Variants in TADA3 observed in about 807,000 individuals in gnomAD.
TADA3 encodes transcriptional adaptor 3.
In TADA3, 25 loss-of-function variants were observed where a neutral mutation model predicts 43.2. The ratio of observed to expected loss-of-function variants is 0.58; its 90% CI spans 0.42 to 0.81. The LOEUF (loss-of-function observed/expected upper bound fraction) is 0.81. Among genes scored for constraint, TADA3 ranks in the 30% least tolerant of loss-of-function variants. The pLI is 0.00. For missense variants in TADA3, 441 were observed against 567.8 expected (o/e 0.78, Z 2.27); for synonymous variants, 235 against 225.5 (o/e 1.04, Z -0.38).
At chr3:9,787,483 C>A (rs970826018) in intron 4 of TADA3, 143 bp from the exon 5 acceptor site, 2 of 1,257,976 alleles carry the variant, frequency 1.6e-6, no homozygotes, top group Non-Finnish European at 2.2e-6. Flanking sequence ...TAAGAAAGTA[C>A]AACGAAGATA....
chr3:9,780,079 G>A lies in TADA3; in HGVS notation c.*278C>T. The A allele has an allele frequency of 5.8e-6, 2 of 346,864 alleles. No homozygotes were observed. Among genetic ancestry groups the A allele is most frequent in the Non-Finnish European group, 1.0e-5 (2 of 191,214 alleles). 21.5% of individuals were successfully genotyped at this position (346,864 alleles called of 1,614,324 possible). ...GGTAGGGGATTAGGGAGTGGGGGATGGTAAAGAGGGGAAGAGGAAGACCCA... is the reference window on the plus strand; with the variant it reads ...GGTAGGGGATTAGGGAGTGGGGGATAGTAAAGAGGGGAAGAGGAAGACCCA... On this transcript the variant is annotated 3_prime_UTR_variant, in exon 9 of 9. Coordinates refer to ENST00000301964, the MANE Select transcript of TADA3 (RefSeq NM_006354.5).
Position 9,792,364 on chromosome 3 carries a change from C to G in TADA3, c.-176G>C, listed in dbSNP as rs1383516706. On this transcript the variant is annotated 5_prime_UTR_variant, in exon 1 of 9. Transcript: ENST00000301964. ...CAGAGTCCTCGTTCTCTAGGGACAC[C>G]CTAGTGCGACCCCCGCCCCCTCTAC... The G allele has an allele frequency of 8.8e-6, 4 of 456,006 alleles. No homozygotes were observed. The highest frequency in any genetic ancestry group is 4.2e-5 in the African/African-American group (2 of 47,796). The allele number at this position is 456,006 out of a possible 1,614,324, so 28.2% of individuals were successfully genotyped here.
chr3:9,780,882 C>T (rs185585197), intron 8 of TADA3, among the ~76,000 whole-genome samples: 1 of 152,292 alleles, frequency 6.6e-6, no homozygotes, highest in East Asian at 1.9e-4. Flanking sequence ...TTCACATCTG[C>T]AGTCCCAGCA....
intron 3 of TADA3, 21 bp downstream of exon 3, chr3:9,789,692 C>A (rs1369427216): frequency 6.2e-7 from 1 of 1,609,866 alleles, no homozygotes; most frequent in Non-Finnish European, 8.5e-7. Context: ...AGGCCCCCTT[C>A]TATGTTCTCT....
chr3:9,791,839 C>A (rs2078743483), intron 1 of TADA3, among the ~76,000 whole-genome samples: 2 of 152,172 alleles, frequency 1.3e-5, no homozygotes, highest in South Asian at 4.1e-4. Context: ...GATCACCATG[C>A]TATACTGCTA....
At chr3:9,792,682 C>A (rs559927705), upstream of TADA3, 1 of 1,233,138 alleles carries the variant, frequency 8.1e-7, no homozygotes, top group Non-Finnish European at 1.0e-6. Context: ...TGCAGTTAGC[C>A]CCGCCGAGCG....
intron 8 of TADA3, 161 bp downstream of exon 8, chr3:9,783,867 A>G (rs2078540002): frequency 1.6e-6 from 2 of 1,278,730 alleles, no homozygotes; most frequent in African/African-American, 1.5e-5. Context: ...TGTTTGGGAC[A>G]TACCCGGTGG....
At position 9,787,094 on chromosome 3, in the gene TADA3, A is replaced by G; in HGVS notation, c.722T>C (p.Leu241Pro). ...ELDTKDVDALLKKSEAQHEQP... is the reference protein window; with the variant it reads ...ELDTKDVDALPKKSEAQHEQP... The stretch of plus-strand genomic sequence containing the variant: ...TTCATGCTGGGCCTCAGACTTCTTC[A>G]GCAGGGCATCCACATCTAAGCGGGC... The change falls in exon 6 of 9, where the codon CTG becomes CCG. Residue 241 changes from leucine to proline, a missense_variant. Leu to Pro is a moderately conservative substitution (Grantham distance 98). Transcript: ENST00000301964. 1 of 1,614,192 alleles carries G rather than the reference A, an allele frequency of 6.2e-7. No homozygotes were observed. Among genetic ancestry groups the G allele is most frequent in the Non-Finnish European group, 8.5e-7 (1 of 1,180,046 alleles).
chr3:9,781,613 C>G, intron 8 of TADA3: 1 of 455,672 alleles, frequency 2.2e-6, no homozygotes, highest in Non-Finnish European at 4.4e-6. Context: ...GGGTGAGACA[C>G]CAGATCAATC....
chr3:9,783,917 T>C (rs2078541322), intron 8 of TADA3, 111 bp downstream of exon 8: 1 of 1,424,438 alleles, frequency 7.0e-7, no homozygotes, highest in Non-Finnish European at 9.2e-7. Context: ...TCCAGGTGAT[T>C]TAGAGGCCAG....
intron 4 of TADA3, chr3:9,787,773 A>G (rs547270858): frequency 4.2e-6 from 5 of 1,204,154 alleles, no homozygotes; most frequent in Non-Finnish European, 4.4e-6. Context: ...GAGAGAGATC[A>G]AAGTGTTGTG....
chr3:9,780,666 T>A, intron 8 of TADA3, 117 bp from the exon 9 acceptor site: 1 of 1,101,354 alleles, frequency 9.1e-7, no homozygotes, highest in Non-Finnish European at 1.3e-6. Context: ...GATTGTGTCA[T>A]ACAGTCGTGA....
upstream of TADA3, chr3:9,792,545 C>A (rs2078764656): frequency 1.6e-6 from 2 of 1,226,210 alleles, no homozygotes; most frequent in African/African-American, 1.6e-5. Context: ...TGGAGTTTGC[C>A]GGGGGTGGGA....
intron 5 of TADA3, 37 bp downstream of exon 5, chr3:9,787,162 T>G: frequency 1.2e-6 from 2 of 1,614,162 alleles, no homozygotes; most frequent in Non-Finnish European, 1.7e-6. Context: ...GGAATTCAAG[T>G]CCTGACCTGG....
chr3:9,784,041 G>A lies in TADA3; in HGVS notation c.1093C>T (p.His365Tyr). 1 of 1,613,934 alleles carries A rather than the reference G, an allele frequency of 6.2e-7. No individual in the cohort carries two copies. The highest frequency in any genetic ancestry group is 8.5e-7 in the Non-Finnish European group (1 of 1,179,862). The change falls in exon 8 of 9, where the codon CAC becomes TAC. Residue 365 changes from histidine (H) to tyrosine (Y), a missense_variant. Transcript: ENST00000301964. ...GCTAACGCTCACCTCAGCAGGTCGT[G>A]CTTCTTGGTGCGGTTGTGGGCACTA... ...ALSAHNRTKK[H>Y]DLLRLAKEEV...
Position 9,789,958 on chromosome 3 carries a change from G to A in TADA3, c.213C>T (p.Leu71=), listed in dbSNP as rs1372021564. 1.9e-6 allele frequency: 3 copies of A among 1,593,304 alleles called. No homozygotes were observed. Among genetic ancestry groups the A allele is most frequent in the Non-Finnish European group, 1.7e-6 (2 of 1,170,722 alleles). The change falls in exon 3 of 9, where the codon CTC becomes CTT. Residue 71 remains leucine (L), a synonymous_variant. Transcript: ENST00000301964. ...LRVLEAETQI[L]TDWQDKKGDR... is the part of the protein sequence containing the mutation. ...CACCTTTCTTATCCTGCCAGTCGGTGAGGATCTGAAATTTACAGAAAGTGT... is the reference window on the plus strand; with the variant it reads ...CACCTTTCTTATCCTGCCAGTCGGTAAGGATCTGAAATTTACAGAAAGTGT...
rs746050938 is a variant in TADA3 at position 9,787,124 on chromosome 3, G to GA, written c.707-16dup. On this transcript the variant is annotated splice_polypyrimidine_tract_variant and intron_variant, in intron 5 of 8. Transcript: ENST00000301964. Reference sequence around the variant, plus strand: ...GGCATCCACATCTAAGCGGGCACAGGAAAGGAGGGGAGGTGGGCTGAAGTT... The same window carrying GA: ...GGCATCCACATCTAAGCGGGCACAGGAAAAGGAGGGGAGGTGGGCTGAAGTT... 6.2e-7 allele frequency: 1 copy of GA among 1,614,212 alleles called. No homozygotes were observed. The highest frequency in any genetic ancestry group is 1.1e-5 in the South Asian group (1 of 91,084).
chr3:9,787,438 C>T, intron 4 of TADA3, 98 bp from the exon 5 acceptor site: 1 of 1,482,256 alleles, frequency 6.7e-7, no homozygotes, highest in Non-Finnish European at 9.0e-7. Flanking sequence ...CTCTCAAGTC[C>T]CTAGTCCAAG....
intron 8 of TADA3, among the ~76,000 whole-genome samples, chr3:9,781,932 A>G (rs1188995055): frequency 1.4e-5 from 2 of 144,582 alleles, no homozygotes; most frequent in Admixed American, 1.5e-4. Context: ...TCTACCTCCC[A>G]GGATCAAGCA....
Sources: allele counts gnomAD v4.1 joint callset (sites outside exome capture counted in the v4.1 genomes callset), GRCh38; gene constraint gnomAD v4.1.1; transcripts MANE v1.5; gene names NCBI Gene and HGNC (gene_info 2026-07-23, HGNC 2026-07-21).